Variants in SORCS1 observed in about 807,000 individuals in gnomAD.
The protein encoded by SORCS1 is VPS10 domain-containing receptor SorCS1.
In SORCS1, 60 loss-of-function variants were observed where a neutral mutation model predicts 146.1. The observed-to-expected ratio is 0.41, with a 90% confidence interval of 0.33 to 0.51. The LOEUF (loss-of-function observed/expected upper bound fraction) is 0.51. Ranked by LOEUF, SORCS1 falls within the 20% of genes least tolerant of loss-of-function variation. The pLI is 0.21. For synonymous variants in SORCS1, 637 were observed against 584.0 expected (o/e 1.09, Z -1.31); for missense variants, 1,352 against 1,487.6 (o/e 0.91, Z 1.50).
chr10:106,707,776 C>A lies in SORCS1; in HGVS notation c.1144-1142G>T, dbSNP rs956372366. On this transcript the variant is annotated intron_variant, in intron 7 of 25. Transcript: ENST00000263054. ...CTCCAGCCAGCACATGAGCAACCTG[C>A]AGGCACAGTGTCAAGGGCACCACCA... Among the ~76,000 whole-genome samples, 4 of 152,158 alleles carry A rather than the reference C, an allele frequency of 2.6e-5. No homozygotes were observed. In the East Asian group the frequency reaches 7.7e-4, roughly 29 times the overall value.
chr10:106,928,660 T>TCTGACAGC, intron 2 of SORCS1, among the ~76,000 whole-genome samples: 1 of 152,222 alleles, frequency 6.6e-6, no homozygotes, highest in African/African-American at 2.4e-5. Flanking sequence ...CACCTCTCAA[T>TCTGACAGC]ACCCCACAGA....
At chr10:106,612,259 A>G (rs756869026) in intron 21 of SORCS1, among the ~76,000 whole-genome samples, 1 of 151,978 alleles carries the variant, frequency 6.6e-6, no homozygotes, top group Non-Finnish European at 1.5e-5. Flanking sequence ...GAAAGAAGGA[A>G]GAAGCTCCCC....
chr10:106,754,688 A>C (rs1858505176), intron 5 of SORCS1, among the ~76,000 whole-genome samples: 1 of 152,346 alleles, frequency 6.6e-6, no homozygotes, highest in East Asian at 1.9e-4. Context: ...ATGTGTATAC[A>C]TGCTGAAATG....
chr10:107,059,247 T>G, intron 1 of SORCS1, among the ~76,000 whole-genome samples: 1 of 152,056 alleles, frequency 6.6e-6, no homozygotes, highest in East Asian at 1.9e-4. Context: ...AGAACTAGAA[T>G]GAGGCCAAAA....
At chr10:106,593,010 A>C in intron 24 of SORCS1, among the ~76,000 whole-genome samples, 1 of 151,796 alleles carries the variant, frequency 6.6e-6, no homozygotes, top group Non-Finnish European at 1.5e-5. Flanking sequence ...GCATGGTGGC[A>C]TGAATCTGGT....
At chr10:106,651,075 G>A (rs769435933) in intron 18 of SORCS1, among the ~76,000 whole-genome samples, 34 of 152,126 alleles carry the variant, frequency 2.2e-4, no homozygotes, top group Non-Finnish European at 4.4e-4. Flanking sequence ...TTAGTATTTA[G>A]AAGATTGGAT....
intron 2 of SORCS1, among the ~76,000 whole-genome samples, chr10:106,858,573 A>C (rs1589569174): frequency 7.5e-6 from 1 of 133,148 alleles, no homozygotes; most frequent in African/African-American, 2.9e-5. Context: ...GCACCACTGC[A>C]CTCCAGCCTG....
chr10:107,014,590 G>A (rs1329576500), intron 1 of SORCS1, among the ~76,000 whole-genome samples: 5 of 137,748 alleles, frequency 3.6e-5, no homozygotes, highest in Admixed American at 7.8e-5. Flanking sequence ...CTCAAAGTGC[G>A]GCCCCTGGAC....
At chr10:107,151,535 T>C (rs184905852) in intron 1 of SORCS1, among the ~76,000 whole-genome samples, 5 of 152,134 alleles carry the variant, frequency 3.3e-5, no homozygotes, top group African/African-American at 1.2e-4. Flanking sequence ...ATACCCCTGA[T>C]AAACCCATCA....
At chr10:106,916,547 C>T (rs940393666) in intron 2 of SORCS1, among the ~76,000 whole-genome samples, 38 of 143,270 alleles carry the variant, frequency 2.7e-4, no homozygotes, top group African/African-American at 8.0e-4. Context: ...TCTATGCACA[C>T]GATGATATAT....
At chr10:106,599,411 G>C (rs1257991927) in intron 23 of SORCS1, among the ~76,000 whole-genome samples, 1 of 151,508 alleles carries the variant, frequency 6.6e-6, no homozygotes, top group Non-Finnish European at 1.5e-5. Context: ...AAGGGGAGGG[G>C]AAGGAGAAGG....
At chr10:106,954,574 C>T (rs1445371734) in intron 2 of SORCS1, among the ~76,000 whole-genome samples, 1 of 152,176 alleles carries the variant, frequency 6.6e-6, no homozygotes, top group Non-Finnish European at 1.5e-5. Context: ...GGGCTTGTCC[C>T]TATCTGCCTA....
At chr10:107,024,173 CAAAAAA>C (rs60404386) in intron 1 of SORCS1, among the ~76,000 whole-genome samples, 31 of 94,558 alleles carry the variant, frequency 3.3e-4, no homozygotes, top group African/African-American at 9.6e-4. Context: ...GATTCCATCT[CAAAAAA>C]AAAAAAAAAA....
chr10:106,997,351 T>C (rs1013979380), intron 1 of SORCS1, among the ~76,000 whole-genome samples: 1 of 152,216 alleles, frequency 6.6e-6, no homozygotes, highest in African/African-American at 2.4e-5. Flanking sequence ...TTTCCCATGC[T>C]TGCAGCTTTG....
At position 106,844,564 on chromosome 10, in the gene SORCS1, C is replaced by CT. The variant is rs71482493; in HGVS notation, c.627-14892dup. Among the ~76,000 whole-genome samples, 821 of 142,652 alleles carry CT rather than the reference C, an allele frequency of 5.8e-3. 8 individuals carry two copies. Among genetic ancestry groups the CT allele is most frequent in the African/African-American group, 0.02 (767 of 39,066 alleles). The allele number at this position is 142,652 out of a possible 152,430, so 93.6% of individuals were successfully genotyped here. A position where few individuals can be genotyped will look rare whatever the true frequency, so the allele number is the denominator to read the frequency against. ...TTCTCCAACACCATTTACTGAATTT[C>CT]TTTTTTTTTTTAATTATTATTTTTT... On this transcript the variant is annotated intron_variant, in intron 2 of 25. Transcript: ENST00000263054.
At chr10:106,772,849 G>T (rs1210411218) in intron 4 of SORCS1, among the ~76,000 whole-genome samples, 2 of 152,052 alleles carry the variant, frequency 1.3e-5, no homozygotes, top group Non-Finnish European at 2.9e-5. Flanking sequence ...TTAGAGCAGG[G>T]TACCGCAGCT....
chr10:107,149,908 T>C (rs1968630690), intron 1 of SORCS1, among the ~76,000 whole-genome samples: 1 of 152,210 alleles, frequency 6.6e-6, no homozygotes. Flanking sequence ...AATGACCTTT[T>C]CTCCTACCCC....
intron 1 of SORCS1, among the ~76,000 whole-genome samples, chr10:106,983,705 T>C (rs535845886): frequency 6.6e-6 from 1 of 152,314 alleles, no homozygotes; most frequent in Non-Finnish European, 1.5e-5. Flanking sequence ...AGGAATAGTG[T>C]TCCCTGGTAA....
intron 2 of SORCS1, among the ~76,000 whole-genome samples, chr10:106,940,548 T>C (rs1477095709): frequency 6.6e-6 from 1 of 152,238 alleles, no homozygotes; most frequent in South Asian, 2.1e-4. Flanking sequence ...ATTTATTCTC[T>C]GTGTGGCTTC....
Sources: allele counts gnomAD v4.1 joint callset (sites outside exome capture counted in the v4.1 genomes callset), GRCh38; gene constraint gnomAD v4.1.1; transcripts MANE v1.5; gene names NCBI Gene and HGNC (gene_info 2026-07-23, HGNC 2026-07-21).